DPY19L1: variants seen among roughly 807,000 people sequenced by gnomAD.
The protein encoded by DPY19L1 is protein C-mannosyl-transferase DPY19L1.
DPY19L1 carries 35 observed loss-of-function variants against 96.9 expected under a neutral mutation model. The ratio of observed to expected loss-of-function variants is 0.36; its 90% CI spans 0.28 to 0.48. The LOEUF is 0.48. DPY19L1 is among the 20% of genes least tolerant of loss of function. The pLI, the probability that DPY19L1 is intolerant of heterozygous loss-of-function variation, is 0.99. For synonymous variants in DPY19L1, 205 were observed against 252.6 expected (o/e 0.81, Z 1.79); for missense variants, 521 against 777.9 (o/e 0.67, Z 3.93).
intron 6 of DPY19L1, among the ~76,000 whole-genome samples, chr7:34,996,119 ACTC>A (rs1391341080): frequency 1.3e-5 from 2 of 151,964 alleles, no homozygotes; most frequent in Non-Finnish European, 2.9e-5. Flanking sequence ...TAGATTGTGA[ACTC>A]CTCAATTCAC....
At chr7:35,014,290 T>C (rs956067533) in intron 3 of DPY19L1, among the ~76,000 whole-genome samples, 4 of 152,128 alleles carry the variant, frequency 2.6e-5, no homozygotes, top group Non-Finnish European at 4.4e-5. Context: ...AAGAACCCTG[T>C]GCGACTGGGG....
intron 10 of DPY19L1, among the ~76,000 whole-genome samples, chr7:34,961,122 G>A (rs1784492284): frequency 6.6e-6 from 1 of 152,144 alleles, no homozygotes. Context: ...CCAATAATGA[G>A]CCTAGCAAGT....
intron 6 of DPY19L1, among the ~76,000 whole-genome samples, chr7:35,002,791 C>T (rs557358299): frequency 8.5e-5 from 13 of 152,260 alleles, no homozygotes; most frequent in Admixed American, 4.6e-4. Context: ...TCTTTTGAGA[C>T]GGAGTCTTGC....
At chr7:34,974,606 A>G (rs1784794981) in intron 7 of DPY19L1, among the ~76,000 whole-genome samples, 1 of 152,218 alleles carries the variant, frequency 6.6e-6, no homozygotes, top group Non-Finnish European at 1.5e-5. Flanking sequence ...GTCCCCTGAT[A>G]ATGTATACTG....
chr7:34,949,660 TC>T (rs1332680184), intron 14 of DPY19L1, 136 bp downstream of exon 14: 3 of 589,608 alleles, frequency 5.1e-6, no homozygotes, highest in African/African-American at 2.0e-5. Context: ...AGAAAAATCT[TC>T]CTCTAAGCTG....
chr7:34,996,857 AATG>A (rs1256039017), intron 6 of DPY19L1, among the ~76,000 whole-genome samples: 6 of 152,128 alleles, frequency 3.9e-5, no homozygotes, highest in African/African-American at 1.4e-4. Flanking sequence ...CAGTTCCTCA[AATG>A]ATAAGACCAC....
chr7:35,033,933 T>C (rs1209538073), intron 1 of DPY19L1, among the ~76,000 whole-genome samples: 2 of 152,048 alleles, frequency 1.3e-5, no homozygotes, highest in Admixed American at 1.3e-4. Context: ...CCAAGGATGC[T>C]GCTAAAATCC....
Position 35,007,435 on chromosome 7 carries a change from C to T in DPY19L1, c.764+3033G>A, listed in dbSNP as rs115094039. On this transcript the variant is annotated intron_variant, in intron 6 of 21. Transcript: ENST00000638088. ...GGCAGAGTGAAACAAGCTATAGCCA[C>T]TGACATTGGAAGAACCAGAGACAGC... 5.7e-3 allele frequency among the ~76,000 whole-genome samples: 874 copies of T among 152,292 alleles called. 9 individuals are homozygous for T. The highest frequency in any genetic ancestry group is 0.02 in the African/African-American group (814 of 41,542).
intron 4 of DPY19L1, among the ~76,000 whole-genome samples, chr7:35,012,817 G>A (rs1486958136): frequency 2.0e-5 from 3 of 151,784 alleles, no homozygotes; most frequent in African/African-American, 7.3e-5. Flanking sequence ...TTAATATCCA[G>A]TATATAATAA....
chr7:34,975,257 A>C (rs1208335263), intron 7 of DPY19L1, among the ~76,000 whole-genome samples: 1 of 152,202 alleles, frequency 6.6e-6, no homozygotes, highest in Non-Finnish European at 1.5e-5. Flanking sequence ...CAGAAATGCA[A>C]AAGAAAAATT....
intron 7 of DPY19L1, among the ~76,000 whole-genome samples, chr7:34,986,671 T>C (rs1223201503): frequency 6.6e-6 from 1 of 152,056 alleles, no homozygotes; most frequent in East Asian, 1.9e-4. Context: ...TGTATGTTTA[T>C]AGTTTAGTCT....
At chr7:34,964,630 G>A (rs574658969) in intron 10 of DPY19L1, among the ~76,000 whole-genome samples, 3 of 152,204 alleles carry the variant, frequency 2.0e-5, no homozygotes, top group Admixed American at 6.5e-5. Context: ...GAAATACACC[G>A]ATTCATCTAA....
At chr7:34,977,359 T>G (rs1257543886) in intron 7 of DPY19L1, among the ~76,000 whole-genome samples, 3 of 152,208 alleles carry the variant, frequency 2.0e-5, no homozygotes, top group Non-Finnish European at 4.4e-5. Context: ...TTCCCCCACA[T>G]TTGTTACCCA....
intron 6 of DPY19L1, 49 bp from the exon 7 acceptor site, chr7:34,989,990 C>T (rs1396542367): frequency 6.6e-6 from 10 of 1,513,150 alleles, no homozygotes; most frequent in Non-Finnish European, 7.2e-6. Context: ...CAGGTCAATC[C>T]TAAGAAAAAC....
chr7:34,939,041 G>A lies in DPY19L1; in HGVS notation c.1964+235C>T, dbSNP rs73693347. On this transcript the variant is annotated intron_variant, in intron 20 of 21. Coordinates refer to ENST00000638088, the MANE Select transcript of DPY19L1 (RefSeq NM_001366673.1). ...TGGGAAAGTGCTATAGTATGACTTC[G>A]TTTATATGCCTGGTAGAGAAGAGAG... 399 of 393,152 alleles carry A rather than the reference G, an allele frequency of 1.0e-3. 1 individual carries two copies. Among genetic ancestry groups the A allele is most frequent in the African/African-American group, 6.8e-3 (330 of 48,564 alleles). 24.4% of individuals were successfully genotyped at this position (393,152 alleles called of 1,614,324 possible).
intron 7 of DPY19L1, among the ~76,000 whole-genome samples, chr7:34,984,308 A>C (rs1413042941): frequency 6.6e-6 from 1 of 152,198 alleles, no homozygotes; most frequent in Non-Finnish European, 1.5e-5. Flanking sequence ...CTAGGCGTTA[A>C]TTAGGCACAC....
chr7:35,010,999 G>A (rs188229647), intron 5 of DPY19L1, among the ~76,000 whole-genome samples: 8 of 152,244 alleles, frequency 5.3e-5, no homozygotes, highest in East Asian at 3.9e-4. Flanking sequence ...AAGTCACCCC[G>A]AAAGGCCACA....
At chr7:35,003,344 A>G (rs1297408287) in intron 6 of DPY19L1, among the ~76,000 whole-genome samples, 1 of 152,146 alleles carries the variant, frequency 6.6e-6, no homozygotes, top group Non-Finnish European at 1.5e-5. Context: ...TACACAAACC[A>G]TGGAAGGTAG....
At chr7:34,958,406 A>G (rs887173372) in intron 10 of DPY19L1, among the ~76,000 whole-genome samples, 1 of 152,256 alleles carries the variant, frequency 6.6e-6, no homozygotes, top group African/African-American at 2.4e-5. Context: ...AATCTAATAC[A>G]TTCTGCTTAA....
Sources: allele counts gnomAD v4.1 joint callset (sites outside exome capture counted in the v4.1 genomes callset), GRCh38; gene constraint gnomAD v4.1.1; transcripts MANE v1.5; gene names NCBI Gene and HGNC (gene_info 2026-07-23, HGNC 2026-07-21).